Variants in NLRP2 observed in about 807,000 individuals in gnomAD.
NLRP2 encodes NLR family pyrin domain containing 2.
Under a neutral mutation model 97.2 loss-of-function variants are expected in NLRP2, and 107 were observed. The observed-to-expected ratio is 1.10, with a 90% CI of 0.94 to 1.29. NLRP2 has a LOEUF of 1.29. Ranked by LOEUF, NLRP2 falls within the 50% of genes most tolerant of loss-of-function variation. NLRP2 has a pLI of 0.00. For synonymous variants in NLRP2, 663 were observed against 551.5 expected (o/e 1.20, Z -2.83); for missense variants, 1,495 against 1,330.3 (o/e 1.12, Z -1.93).
chr19:54,999,294 T>C (rs973390608), intron 12 of NLRP2, among the ~76,000 whole-genome samples: 4 of 152,200 alleles, frequency 2.6e-5, no homozygotes, highest in Non-Finnish European at 4.4e-5. Context: ...ACTACAGGCA[T>C]GTGCCACCAC....
At chr19:54,989,569 C>T (rs993733240) in intron 8 of NLRP2, 35 of 243,870 alleles carry the variant, frequency 1.4e-4, no homozygotes, top group Non-Finnish European at 2.6e-4. Flanking sequence ...GATTCCTGGG[C>T]GATGTTGGTG....
At chr19:54,991,616 T>TTTAC (rs1430303856) in intron 10 of NLRP2, 1 of 152,074 alleles carries the variant, frequency 6.6e-6, no homozygotes, top group East Asian at 1.9e-4. Flanking sequence ...GGCTCATGCC[T>TTTAC]GTAATCTCAG....
Position 54,982,515 on chromosome 19 carries a change from AT to A in NLRP2, c.819del (p.Pro274HisfsTer4). On this transcript the variant is annotated frameshift_variant, in exon 6 of 13. Transcript: ENST00000448584. LOFTEE classifies it high-confidence loss of function. The part of the protein sequence containing the change: ...FRDWPELQDD[I>X]PHILAQARKI... ...GGACTGGCCTGAATTGCAGGATGAC[AT>A]TCCACACATCCTAGCCCAAGCACGG... is the stretch of plus-strand genomic sequence containing the variant. 6.2e-7 allele frequency: 1 copy of A among 1,614,198 alleles called. No homozygotes were observed. The highest frequency in any genetic ancestry group is 8.5e-7 in the Non-Finnish European group (1 of 1,180,036).
At chr19:54,990,227 T>C in intron 9 of NLRP2, 35 bp downstream of exon 9, 1 of 1,608,280 alleles carries the variant, frequency 6.2e-7, no homozygotes, top group Non-Finnish European at 8.5e-7. Context: ...CAGCTGTGCT[T>C]TCGATCTGGG....
At chr19:54,981,780 T>G (rs2071592818) in intron 5 of NLRP2, 98 bp downstream of exon 5, 3 of 801,184 alleles carry the variant, frequency 3.7e-6, no homozygotes, top group Non-Finnish European at 6.7e-6. Flanking sequence ...AGCATTTATT[T>G]ATGTATGTAT....
rs779551457 is a variant in NLRP2 at position 54,982,273 on chromosome 19, T to C, written c.575T>C (p.Leu192Pro). The change falls in exon 6 of 13, where the codon CTG becomes CCG. Residue 192 changes from leucine (L) to proline (P), a missense_variant. Physicochemically the swap from Leu to Pro is moderately conservative, Grantham distance 98. Coordinates refer to ENST00000448584, the MANE Select transcript of NLRP2 (RefSeq NM_017852.5). ...GTTATGGCTGAGAGATACAAGATGC[T>C]GATCCCATTCAGCAACCCCAGGGTG... ...VQVMAERYKM[L>P]IPFSNPRVLP... The C allele has an allele frequency of 6.2e-7, 1 of 1,614,086 alleles. No homozygotes were observed. Among genetic ancestry groups the C allele is most frequent in the Non-Finnish European group, 8.5e-7 (1 of 1,180,006 alleles).
intron 3 of NLRP2, among the ~76,000 whole-genome samples, chr19:54,974,857 T>TG (rs1343904341): frequency 6.6e-6 from 1 of 152,134 alleles, no homozygotes; most frequent in East Asian, 1.9e-4. Flanking sequence ...TGAAGTGCAG[T>TG]GGTACGACCT....
In NLRP2 at chr19:54,983,297, G is replaced by A; in HGVS notation, c.1599G>A (p.Gly533=). The part of the protein sequence containing the change: ...EDRDGHTWDI[G]DVQKLLSGVE... The stretch of plus-strand genomic sequence containing the variant: ...GGGACGGCCACACCTGGGACATTGG[G>A]GACGTACAGAAGCTGCTTTCCGGAG... The change falls in exon 6 of 13, where the codon GGG becomes GGA. Residue 533 remains glycine (G), a synonymous_variant. Coordinates refer to ENST00000448584, the MANE Select transcript of NLRP2 (RefSeq NM_017852.5). 1 of 1,614,184 alleles carries A rather than the reference G, an allele frequency of 6.2e-7. No individual in the cohort carries two copies. The highest frequency in any genetic ancestry group is 8.5e-7 in the Non-Finnish European group (1 of 1,180,030).
At chr19:54,985,305 C>T in intron 7 of NLRP2, 88 bp downstream of exon 7, 2 of 1,275,376 alleles carry the variant, frequency 1.6e-6, no homozygotes, top group Non-Finnish European at 2.3e-6. Context: ...GATTCCTGTA[C>T]TAGACTCTTA....
rs879160366 is a variant in NLRP2, at chr19:55,000,591, TTAAA to T, written c.3051-168_3051-165del. Among the ~76,000 whole-genome samples the T allele has an allele frequency of 2.5e-3, 360 of 143,458 alleles. 1 individual carries two copies. The highest frequency in any genetic ancestry group is 7.8e-3 in the African/African-American group (296 of 38,020). 94.1% of individuals were successfully genotyped at this position (143,458 alleles called of 152,430 possible). A position where few individuals can be genotyped will look rare whatever the true frequency, so the allele number is the denominator to read the frequency against. ...ATCACGCCCCACCTGAGACTGTCTT[TTAAA>T]AAAAAAAAAAAAAAATCAATGTGGA... On this transcript the variant is annotated intron_variant, in intron 12 of 12. Transcript: ENST00000448584.
intron 2 of NLRP2, chr19:54,973,874 C>T: frequency 1.5e-6 from 1 of 654,372 alleles, no homozygotes; most frequent in Non-Finnish European, 2.9e-6. Flanking sequence ...CAAGCACCAC[C>T]CCCACAAAGT....
intron 6 of NLRP2, among the ~76,000 whole-genome samples, chr19:54,984,695 C>T (rs1245720032): frequency 2.0e-5 from 3 of 151,476 alleles, no homozygotes; most frequent in Non-Finnish European, 2.9e-5. Context: ...GTTGGCCAGG[C>T]AGGTCTCGAA....
At chr19:54,981,542 C>G in intron 4 of NLRP2, 75 bp from the exon 5 acceptor site, 1 of 731,154 alleles carries the variant, frequency 1.4e-6, no homozygotes, top group Non-Finnish European at 2.4e-6. Flanking sequence ...CAGCCTGCCT[C>G]CTTTTCTCTA....
chr19:54,977,606 T>A (rs190845919), intron 3 of NLRP2, 146 bp from the exon 4 acceptor site: 2 of 792,588 alleles, frequency 2.5e-6, no homozygotes, highest in Non-Finnish European at 4.4e-6. Flanking sequence ...TAATGTACTT[T>A]CACTTTTACA....
chr19:54,975,101 GTTTTGTTTTTTTTTTTTTTTT>G (rs2071118455), intron 3 of NLRP2, among the ~76,000 whole-genome samples: 1 of 83,086 alleles, frequency 1.2e-5, no homozygotes, highest in Non-Finnish European at 2.5e-5. Flanking sequence ...ACCACACCCG[GTTTTGTTTTTTTTTTTTTTTT>G]TTTTTTTTTT....
intron 7 of NLRP2, among the ~76,000 whole-genome samples, chr19:54,985,733 C>T (rs969943231): frequency 6.6e-5 from 10 of 150,456 alleles, no homozygotes; most frequent in South Asian, 6.3e-4. Context: ...CAATGGCTCA[C>T]GCCTGTAGTC....
At chr19:54,992,381 G>T (rs1379121049) in intron 10 of NLRP2, among the ~76,000 whole-genome samples, 4 of 151,718 alleles carry the variant, frequency 2.6e-5, no homozygotes, top group Non-Finnish European at 5.9e-5. Flanking sequence ...AGAAGGAAAG[G>T]ATTCTTCCCA....
chr19:54,986,911 G>A (rs7252816), intron 8 of NLRP2, among the ~76,000 whole-genome samples: 10,549 of 151,578 alleles, frequency 0.07, 422 homozygotes, highest in African/African-American at 0.1. Context: ...TTGAGATGGA[G>A]TCTCGCTCTG....
At chr19:54,974,436 T>C (rs2071065784) in intron 2 of NLRP2, 64 bp from the exon 3 acceptor site, 1 of 1,156,282 alleles carries the variant, frequency 8.6e-7, no homozygotes, top group Non-Finnish European at 1.3e-6. Context: ...TTTTCTTTTA[T>C]GAAGGCAATA....
Sources: allele counts gnomAD v4.1 joint callset (sites outside exome capture counted in the v4.1 genomes callset), GRCh38; gene constraint gnomAD v4.1.1; transcripts MANE v1.5; gene names NCBI Gene and HGNC (gene_info 2026-07-23, HGNC 2026-07-21).